KCTD19: variants seen among roughly 807,000 people sequenced by gnomAD.
The protein encoded by KCTD19 is BTB/POZ domain-containing protein KCTD19.
A neutral mutation model predicts 103.5 loss-of-function variants in KCTD19; 67 were observed. The observed-to-expected ratio is 0.65, with a 90% CI of 0.53 to 0.79. The LOEUF (loss-of-function observed/expected upper bound fraction) is 0.79. Ranked by LOEUF, KCTD19 falls within the 30% of genes least tolerant of loss-of-function variation. The pLI, the probability that KCTD19 is intolerant of heterozygous loss-of-function variation, is 0.00. For synonymous variants in KCTD19, 439 were observed against 452.2 expected, an observed-to-expected ratio of 0.97 and a Z score of 0.37; for missense variants, 980 against 1,136.1, an observed-to-expected ratio of 0.86 and a Z score of 1.98.
At position 67,293,972 on chromosome 16, in the gene KCTD19, T is replaced by G; in HGVS notation, c.1790A>C (p.Asn597Thr). 6.2e-7 allele frequency: 1 copy of G among 1,614,086 alleles called. No individual in the cohort carries two copies. The highest frequency in any genetic ancestry group is 8.5e-7 in the Non-Finnish European group (1 of 1,180,008). The change falls in exon 12 of 16, where the codon AAT (asparagine) becomes ACT (threonine). Residue 597 changes from asparagine to threonine, a missense_variant. Physicochemically the swap from Asn to Thr is moderately conservative, Grantham distance 65 (BLOSUM62 0). Transcript: ENST00000304372. This position sits in a 1 kb window ranked among gnomAD's most constrained non-coding sequence, Gnocchi z 4.0. ...TYSHCRGLCT[N>T]PGHWGSHPES... The stretch of plus-strand genomic sequence containing the variant: ...AGGGTGGCTCCCCCAGTGTCCAGGA[T>G]TGGTACACAAGCCACGGCAGTGTGA...
chr16:67,309,693 G>C (rs560014514), intron 2 of KCTD19, among the ~76,000 whole-genome samples: 3 of 152,188 alleles, frequency 2.0e-5, no homozygotes, highest in African/African-American at 7.2e-5. Context: ...AATTGGCCAC[G>C]TGGGAGAAGG....
intron 10 of KCTD19, 78 bp downstream of exon 10, chr16:67,294,894 AG>A: frequency 2.5e-6 from 3 of 1,193,650 alleles, no homozygotes; most frequent in Non-Finnish European, 2.5e-6. Flanking sequence ...ATCCTCTAGG[AG>A]TAGGACTTAG....
intron 15 of KCTD19, 91 bp from the exon 16 acceptor site, chr16:67,289,773 C>G (rs761400060): frequency 5.7e-6 from 5 of 878,934 alleles, no homozygotes; most frequent in Non-Finnish European, 7.4e-6. Flanking sequence ...GGGGCAGGGA[C>G]AGGGCAAGCC....
intron 11 of KCTD19, 41 bp from the exon 12 acceptor site, chr16:67,294,212 A>G (rs748114516): frequency 7.7e-6 from 12 of 1,567,032 alleles, no homozygotes; most frequent in Non-Finnish European, 8.7e-6. Context: ...TAGGTTGGGC[A>G]TGGACATCAA....
chr16:67,326,457 G>C (rs1435359951), intron 1 of KCTD19, among the ~76,000 whole-genome samples: 1 of 151,752 alleles, frequency 6.6e-6, no homozygotes, highest in East Asian at 1.9e-4. Context: ...CCGTCAAAGG[G>C]GCACACGCCC....
chr16:67,299,771 T>C (rs2036813753), intron 5 of KCTD19, 198 bp from the exon 6 acceptor site: 1 of 565,624 alleles, frequency 1.8e-6, no homozygotes, highest in East Asian at 3.0e-5. Context: ...AAGTCATAAC[T>C]ATTTGTTGGG....
intron 2 of KCTD19, among the ~76,000 whole-genome samples, chr16:67,309,699 G>A (rs71393939): frequency 6.6e-6 from 1 of 152,190 alleles, no homozygotes; most frequent in Admixed American, 6.5e-5. Context: ...CCACGTGGGA[G>A]AAGGCCTGTG....
chr16:67,306,067 C>T (rs565400913), intron 2 of KCTD19, among the ~76,000 whole-genome samples: 3 of 152,326 alleles, frequency 2.0e-5, no homozygotes, highest in East Asian at 3.9e-4. Flanking sequence ...GCGTGGAACG[C>T]TGGAAGACAG....
Position 67,323,822 on chromosome 16 carries a change from A to G in KCTD19, c.3+2883T>C, listed in dbSNP as rs752973063. On this transcript the variant is annotated intron_variant, in intron 1 of 15. Transcript: ENST00000304372. This position sits in a 1 kb window ranked among gnomAD's most constrained non-coding sequence, Gnocchi z 4.1. ...AGTTGCACAACTCTGAACATACTAAAACTCACTGAATTGTACACATTAAAA... is the reference window on the plus strand; with the variant it reads ...AGTTGCACAACTCTGAACATACTAAGACTCACTGAATTGTACACATTAAAA... 7.9e-5 allele frequency among the ~76,000 whole-genome samples: 12 copies of G among 152,130 alleles called. No individual in the cohort carries two copies. Among genetic ancestry groups the G allele is most frequent in the Non-Finnish European group, 1.5e-4 (10 of 68,020 alleles).
chr16:67,295,764 A>G (rs1002443256), intron 8 of KCTD19: 14 of 316,416 alleles, frequency 4.4e-5, no homozygotes, highest in Non-Finnish European at 7.8e-5. Flanking sequence ...TTGTTTTTTG[A>G]GGCAGAGTCA....
intron 2 of KCTD19, among the ~76,000 whole-genome samples, chr16:67,308,316 C>T (rs768372280): frequency 2.0e-5 from 3 of 151,964 alleles, no homozygotes; most frequent in Admixed American, 1.3e-4. Flanking sequence ...AGCTGTGCGC[C>T]GCAACACCCC....
Position 67,320,590 on chromosome 16 carries a change from T to C in KCTD19, c.299A>G (p.Gln100Arg), listed in dbSNP as rs1168647964. 1 of 1,612,940 alleles carries C rather than the reference T, an allele frequency of 6.2e-7. No individual in the cohort carries two copies. Among genetic ancestry groups the C allele is most frequent in the African/African-American group, 1.3e-5 (1 of 75,034 alleles). The change falls in exon 2 of 16, where the codon CAG becomes CGG. Residue 100 changes from glutamine to arginine, a missense_variant and splice_region_variant. Physicochemically the swap from Gln to Arg is conservative, Grantham distance 43. Transcript: ENST00000304372. The surrounding 1 kb of genome is among the most constrained non-coding windows in gnomAD (Gnocchi z 4.0). ...TCCCAGAAAACAAGAGCATCTTACC[T>C]GCAGCAAAGGCATCAGCTGCAAACC... The part of the protein sequence containing the change: ...ALGLQLMPLL[Q>R]TLDNLKEGKH...
chr16:67,321,835 G>A (rs1407614338), intron 1 of KCTD19: 1 of 152,234 alleles, frequency 6.6e-6, no homozygotes, highest in Non-Finnish European at 1.5e-5. Context: ...ATTGGGGATG[G>A]TCGTCCTCTT....
chr16:67,289,760 A>AT, intron 15 of KCTD19, 78 bp from the exon 16 acceptor site: 1 of 1,098,582 alleles, frequency 9.1e-7, no homozygotes, highest in Non-Finnish European at 1.4e-6. Flanking sequence ...GGGTTCTCCC[A>AT]TTGGGGCAGG....
chr16:67,293,596 T>G lies in KCTD19; in HGVS notation c.2166A>C (p.Pro722=), dbSNP rs2036724800. Residue 722 remains proline, a synonymous_variant, in exon 12 of 16, where the codon CCA becomes CCC. Transcript: ENST00000304372. This position sits in a 1 kb window ranked among gnomAD's most constrained non-coding sequence, Gnocchi z 4.0. ...AGTCCTTCAGGGTGCCAGCTCTTTT[T>G]GGGGGTAAGTATGGCTTGAAGGTTG... ...PEPTFKPYLP[P]KRAGTLKDWS... 1 of 1,613,648 alleles carries G rather than the reference T, an allele frequency of 6.2e-7. No homozygotes were observed. Among genetic ancestry groups the G allele is most frequent in the Non-Finnish European group, 8.5e-7 (1 of 1,179,966 alleles).
In KCTD19 at chr16:67,314,799, T is replaced by TTA. The variant is rs138495581; in HGVS notation, c.300+5788_300+5789dup. Among the ~76,000 whole-genome samples the TTA allele has an allele frequency of 2.4e-3, 110 of 45,872 alleles. 1 individual carries two copies. The highest frequency in any genetic ancestry group is 5.9e-3 in the African/African-American group (55 of 9,248). The allele number at this position is 45,872 out of a possible 152,430, so 30.1% of individuals were successfully genotyped here. On this transcript the variant is annotated intron_variant, in intron 2 of 15. Coordinates refer to ENST00000304372, the MANE Select transcript of KCTD19 (RefSeq NM_001100915.3). Reference sequence around the variant, plus strand: ...ACATGATGGTTTTTTTCACTTAGCATTATATATATATATATATATATATAT... The same window carrying TTA: ...ACATGATGGTTTTTTTCACTTAGCATTATATATATATATATATATATATATAT...
At chr16:67,297,787 A>G in intron 6 of KCTD19, 124 bp from the exon 7 acceptor site, 2 of 863,658 alleles carry the variant, frequency 2.3e-6, no homozygotes, top group Non-Finnish European at 3.5e-6. Flanking sequence ...CATCATTAAC[A>G]TCGTTTCCTT....
intron 1 of KCTD19, chr16:67,321,621 G>C (rs1225258053): frequency 2.0e-5 from 3 of 151,834 alleles, no homozygotes; most frequent in African/African-American, 7.3e-5. Context: ...CTTGAAAAAA[G>C]GAGAACGTTT....
At chr16:67,297,053 C>T (rs1288207390) in intron 7 of KCTD19, among the ~76,000 whole-genome samples, 2 of 152,218 alleles carry the variant, frequency 1.3e-5, no homozygotes, top group Non-Finnish European at 2.9e-5. Flanking sequence ...AAGTTATAGG[C>T]AGCTGGTGAA....
Sources: gnomAD v4.1 joint callset for allele counts (sites outside exome capture counted in the v4.1 genomes callset) on GRCh38, gnomAD v4.1.1 for gene constraint, Gnocchi (gnomAD v3.1) non-coding constraint, MANE v1.5 for transcripts, NCBI Gene and HGNC (gene_info 2026-07-23, HGNC 2026-07-21) for gene names.